The following WAPL variants were observed in gnomAD, a reference collection of about 807,000 sequenced individuals.
WAPL encodes the protein WAPL cohesin release factor, also known as wings apart-like protein homolog.
Under a neutral mutation model 121.0 loss-of-function variants are expected in WAPL, and 5 were observed. The ratio of observed to expected loss-of-function variants is 0.04; its 90% CI spans 0.02 to 0.09. The LOEUF (loss-of-function observed/expected upper bound fraction) is 0.09, where lower values mean the gene tolerates loss of function less well. WAPL is among the 10% of genes least tolerant of loss of function. WAPL has a pLI of 1.00. For missense variants in WAPL, 999 were observed against 1,410.8 expected (o/e 0.71, Z 4.68); for synonymous variants, 480 against 481.5 (o/e 1.00, Z 0.04).
chr10:86,490,905 A>C (rs991432804), intron 4 of WAPL, among the ~76,000 whole-genome samples: 2 of 151,498 alleles, frequency 1.3e-5, no homozygotes, highest in African/African-American at 2.4e-5. Context: ...TCTACTAAAA[A>C]TACAAAAATT....
intron 4 of WAPL, among the ~76,000 whole-genome samples, chr10:86,483,806 T>C (rs1180592118): frequency 7.2e-6 from 1 of 139,168 alleles, no homozygotes; most frequent in African/African-American, 2.7e-5. Context: ...TTTTTTTTTT[T>C]TTTTTTTTTT....
chr10:86,487,322 C>T (rs1170609100), intron 4 of WAPL, among the ~76,000 whole-genome samples: 5 of 152,036 alleles, frequency 3.3e-5, no homozygotes, highest in South Asian at 2.1e-4. Context: ...ATTTCATGAA[C>T]GAAAGTACCA....
intron 2 of WAPL, among the ~76,000 whole-genome samples, chr10:86,514,823 C>T (rs1842524973): frequency 6.6e-6 from 1 of 152,260 alleles, no homozygotes; most frequent in African/African-American, 2.4e-5. Flanking sequence ...ATCAGGGCCC[C>T]TGCCTGCCAA....
At chr10:86,437,669 A>G (rs1849358148) in intron 18 of WAPL, 61 bp from the exon 19 acceptor site, 1 of 1,557,382 alleles carries the variant, frequency 6.4e-7, no homozygotes, top group African/African-American at 1.4e-5. Context: ...TTTAAGAAGT[A>G]TAAATAAAAG....
At chr10:86,437,688 T>C in intron 18 of WAPL, 80 bp from the exon 19 acceptor site, 1 of 1,443,652 alleles carries the variant, frequency 6.9e-7, no homozygotes, top group Non-Finnish European at 9.5e-7. Flanking sequence ...AGTTTACCTC[T>C]AGATTTACTA....
Position 86,494,787 on chromosome 10 carries a change from G to A in WAPL, c.1644+2414C>T, listed in dbSNP as rs150023408. ...GCAATGTATGAAAGGTTACTGGCACGGTTTCACATTCCAAGTTGCAACTAA... is the reference window on the plus strand; with the variant it reads ...GCAATGTATGAAAGGTTACTGGCACAGTTTCACATTCCAAGTTGCAACTAA... On this transcript the variant is annotated intron_variant, in intron 4 of 18. Coordinates refer to ENST00000298767, the MANE Select transcript of WAPL (RefSeq NM_015045.5). 1.7e-3 allele frequency among the ~76,000 whole-genome samples: 253 copies of A among 152,216 alleles called. 1 individual carries two copies. The highest frequency in any genetic ancestry group is 5.8e-3 in the African/African-American group (241 of 41,542).
chr10:86,493,579 C>CAGTGA (rs1842089978), intron 4 of WAPL, among the ~76,000 whole-genome samples: 1 of 152,028 alleles, frequency 6.6e-6, no homozygotes, highest in African/African-American at 2.4e-5. Context: ...GTCCAGGCTC[C>CAGTGA]AGTGAAGTGA....
At chr10:86,456,030 A>G (rs1332466195) in intron 12 of WAPL, among the ~76,000 whole-genome samples, 6 of 152,234 alleles carry the variant, frequency 3.9e-5, no homozygotes, top group Admixed American at 2.0e-4. Context: ...GCCACAAAGG[A>G]TATTGGGGCA....
chr10:86,460,311 G>A (rs2132181229), intron 11 of WAPL, 88 bp downstream of exon 11: 1 of 1,007,336 alleles, frequency 9.9e-7, no homozygotes. Context: ...ACCTCCAGGG[G>A]TATATAAAAT....
intron 4 of WAPL, among the ~76,000 whole-genome samples, chr10:86,487,799 G>T (rs1001542803): frequency 6.6e-6 from 1 of 152,156 alleles, no homozygotes; most frequent in Non-Finnish European, 1.5e-5. Flanking sequence ...GGAGGCTGAG[G>T]CAGGAGAATG....
chr10:86,468,299 C>T (rs1025890405), intron 8 of WAPL, among the ~76,000 whole-genome samples: 1 of 151,938 alleles, frequency 6.6e-6, no homozygotes, highest in Non-Finnish European at 1.5e-5. Context: ...TGGACTCAAG[C>T]AATCCTCCCC....
rs1849291337 is a variant in WAPL at position 86,435,320 on chromosome 10, T to C, written c.*2223A>G. The stretch of plus-strand genomic sequence containing the variant: ...TACAAAAACCCAAAGACATACTTCA[T>C]GAAACTGGTACAAACTATTTTTTCC... On this transcript the variant is annotated 3_prime_UTR_variant, in exon 19 of 19. Transcript: ENST00000298767. 1 of 152,650 alleles carries C rather than the reference T, an allele frequency of 6.6e-6. No homozygotes were observed. Among genetic ancestry groups the C allele is most frequent in the Non-Finnish European group, 1.5e-5 (1 of 68,036 alleles). 9.5% of individuals were successfully genotyped at this position (152,650 alleles called of 1,614,324 possible). A position where few individuals can be genotyped will look rare whatever the true frequency, so the allele number is the denominator to read the frequency against.
Position 86,467,291 on chromosome 10 carries a change from T to C in WAPL, c.2358A>G (p.Leu786=), listed in dbSNP as rs1841421388. The change falls in exon 9 of 19, where the codon CTA becomes CTG. Residue 786 remains leucine, a synonymous_variant. Coordinates refer to ENST00000298767, the MANE Select transcript of WAPL (RefSeq NM_015045.5). ...AGAAGGAACCCACCGTTATATTTTC[T>C]AGATCAAGATGCTTGTTGTGTACAG... ...CETVHNKHLD[L]ENITTGHLAM... 2 of 1,613,508 alleles carry C rather than the reference T, an allele frequency of 1.2e-6. No homozygotes were observed. The highest frequency in any genetic ancestry group is 1.7e-6 in the Non-Finnish European group (2 of 1,179,760).
chr10:86,437,863 C>T, intron 18 of WAPL, 57 bp downstream of exon 18: 1 of 1,325,586 alleles, frequency 7.5e-7, no homozygotes, highest in Non-Finnish European at 1.1e-6. Context: ...ATTTTTATGT[C>T]TACTGTCAAT....
At position 86,472,662 on chromosome 10, in the gene WAPL, G is replaced by A. The variant is rs1465082266; in HGVS notation, c.1843C>T (p.Pro615Ser). Residue 615 changes from proline to serine, a missense_variant, in exon 6 of 19, where the codon CCC becomes TCC. Pro to Ser is a moderately conservative substitution (Grantham distance 74, BLOSUM62 -1). Around this residue, in one of 7 missense-constraint regions of WAPL, gnomAD observed 74 missense variants for 115.1 expected, o/e 0.64. Transcript: ENST00000298767. This position sits in a 1 kb window ranked among gnomAD's most constrained non-coding sequence, Gnocchi z 4.2. ...VIKTVTIPTQ[P>S]YQDIVTALKC... ...AGTGCAGTAACTATATCTTGGTAGG[G>A]CTGAGTAGGTATTGTCACAGTTTTT... 6.2e-7 allele frequency: 1 copy of A among 1,613,952 alleles called. No individual in the cohort carries two copies. The highest frequency in any genetic ancestry group is 1.1e-5 in the South Asian group (1 of 91,060).
intron 16 of WAPL, among the ~76,000 whole-genome samples, chr10:86,445,380 AC>A (rs1275432180): frequency 1.3e-5 from 2 of 152,172 alleles, no homozygotes; most frequent in African/African-American, 4.8e-5. Context: ...TGGAGGGCGG[AC>A]TGAACTTAAA....
intron 15 of WAPL, among the ~76,000 whole-genome samples, chr10:86,447,259 A>G (rs1024520239): frequency 1.3e-5 from 2 of 152,228 alleles, no homozygotes; most frequent in Admixed American, 6.5e-5. Flanking sequence ...AAGCACATAT[A>G]AACAACAAAA....
intron 2 of WAPL, among the ~76,000 whole-genome samples, chr10:86,515,300 C>T (rs1165023152): frequency 6.7e-6 from 1 of 150,352 alleles, no homozygotes; most frequent in East Asian, 2.0e-4. Context: ...TCAGTTGGAA[C>T]AACAAACACA....
At chr10:86,483,857 C>T (rs145879592) in intron 4 of WAPL, among the ~76,000 whole-genome samples, 1,329 of 117,580 alleles carry the variant, frequency 0.011, 20 homozygotes, top group African/African-American at 0.041. Flanking sequence ...TACAGTGGCG[C>T]GATCTCGGCT....
Sources: gnomAD v4.1 joint callset for allele counts (sites outside exome capture counted in the v4.1 genomes callset) on GRCh38, gnomAD v4.1.1 for gene constraint, gnomAD v4.1.1 regional missense constraint, Gnocchi (gnomAD v3.1) non-coding constraint, MANE v1.5 for transcripts, NCBI Gene and HGNC (gene_info 2026-07-23, HGNC 2026-07-21) for gene names.